ERGIC1: variants seen among roughly 807,000 people sequenced by gnomAD.
ERGIC1 encodes the protein endoplasmic reticulum-golgi intermediate compartment 1.
ERGIC1 carries 19 observed loss-of-function variants against 38.3 expected under a neutral mutation model. That is an observed-to-expected ratio of 0.50 (90% CI 0.35 to 0.73). The LOEUF (loss-of-function observed/expected upper bound fraction) is 0.73. Ranked by LOEUF, ERGIC1 falls within the 30% of genes least tolerant of loss-of-function variation. ERGIC1 has a pLI of 0.01. For missense variants in ERGIC1, 294 were observed against 389.2 expected (o/e 0.76, Z 2.06); for synonymous variants, 124 against 157.6 (o/e 0.79, Z 1.60).
intron 9 of ERGIC1, 152 bp from the exon 10 acceptor site, chr5:172,950,557 C>T (rs1418323773): frequency 1.4e-5 from 7 of 518,258 alleles, no homozygotes; most frequent in South Asian, 4.1e-5. Context: ...AAGTATGTTC[C>T]GGACTTGGTG....
At chr5:172,919,112 C>T (rs567116980) in intron 5 of ERGIC1, among the ~76,000 whole-genome samples, 1 of 152,188 alleles carries the variant, frequency 6.6e-6, no homozygotes, top group East Asian at 1.9e-4. Flanking sequence ...CCGTTGGTGG[C>T]CCATGTTCTA....
Position 172,944,512 on chromosome 5 carries a change from C to T in ERGIC1, c.766-6197C>T, listed in dbSNP as rs577149923. On this transcript the variant is annotated intron_variant, in intron 9 of 9. Transcript: ENST00000393784. The stretch of plus-strand genomic sequence containing the variant: ...TAGCTAGGATTACAGGCACCTGCCA[C>T]CACGCTCAGCTAATTTTTGTATTTT... Among the ~76,000 whole-genome samples, 6 of 152,246 alleles carry T rather than the reference C, an allele frequency of 3.9e-5. No individual in the cohort carries two copies. The South Asian group carries it at 6.2e-4, about 16-fold the overall frequency.
intron 1 of ERGIC1, among the ~76,000 whole-genome samples, chr5:172,847,194 C>T (rs1407301156): frequency 2.0e-5 from 3 of 152,074 alleles, no homozygotes; most frequent in Admixed American, 2.0e-4. Flanking sequence ...TGGATCCTCT[C>T]CTTGGCCTGG....
chr5:172,915,313 G>A (rs1053613069), intron 5 of ERGIC1: 5 of 510,518 alleles, frequency 9.8e-6, no homozygotes, highest in African/African-American at 9.6e-5. Context: ...TGTGTTCCAG[G>A]GTCGGTGATA....
intron 2 of ERGIC1, among the ~76,000 whole-genome samples, chr5:172,891,326 C>T (rs1475102768): frequency 2.0e-5 from 3 of 152,184 alleles, no homozygotes; most frequent in Non-Finnish European, 2.9e-5. Context: ...CCATTCCTAC[C>T]GTCCACCAGT....
chr5:172,834,427 TC>T lies in ERGIC1; in HGVS notation c.15del (p.Phe5LeufsTer44). On this transcript the variant is annotated frameshift_variant, in exon 1 of 10. Coordinates refer to ENST00000393784, the MANE Select transcript of ERGIC1 (RefSeq NM_001031711.3). LOFTEE classifies it high-confidence loss of function. This position sits in a 1 kb window ranked among gnomAD's most constrained non-coding sequence, Gnocchi z 4.1. Reference sequence around the variant, plus strand: ...GGCGGCGGCACGATGCCCTTTGACTTCAGGAGGTGAGTGTGGCGACCCCGGC... The same window carrying T: ...GGCGGCGGCACGATGCCCTTTGACTTAGGAGGTGAGTGTGGCGACCCCGGC... MPFD[F>X]RRFDIYRKVP... 7.5e-7 allele frequency: 1 copy of T among 1,338,174 alleles called. No homozygotes were observed. The highest frequency in any genetic ancestry group is 1.9e-5 in the South Asian group (1 of 52,374). The allele number at this position is 1,338,174 out of a possible 1,614,324, so 82.9% of individuals were successfully genotyped here.
chr5:172,892,681 CTTCAGTATCAGAAGGCCT>C, intron 2 of ERGIC1, among the ~76,000 whole-genome samples: 2 of 152,280 alleles, frequency 1.3e-5, no homozygotes, highest in East Asian at 3.9e-4. Flanking sequence ...TTCATCAAGC[CTTCAGTATCAGAAGGCCT>C]TTCTGGTTGA....
At chr5:172,854,491 C>T (rs1329813055) in intron 1 of ERGIC1, among the ~76,000 whole-genome samples, 2 of 152,262 alleles carry the variant, frequency 1.3e-5, no homozygotes, top group African/African-American at 4.8e-5. Context: ...TGGGTTTGCA[C>T]GTTCTACCCA....
At chr5:172,857,850 T>C (rs1050074240) in intron 1 of ERGIC1, among the ~76,000 whole-genome samples, 1 of 152,150 alleles carries the variant, frequency 6.6e-6, no homozygotes, top group Non-Finnish European at 1.5e-5. Context: ...CTTTTCACTT[T>C]TCATCTCCCC....
chr5:172,926,489 C>T lies in ERGIC1; in HGVS notation c.481-20C>T. On this transcript the variant is annotated intron_variant, in intron 6 of 9. Coordinates refer to ENST00000393784, the MANE Select transcript of ERGIC1 (RefSeq NM_001031711.3). The surrounding 1 kb of genome is among the most constrained non-coding windows in gnomAD (Gnocchi z 5.2). ...GTGGAGGTGTCCTGGGGACCATCCC[C>T]TCACTGCATTTTTCCACAGGTCCAG... is the stretch of plus-strand genomic sequence containing the variant. 6.2e-7 allele frequency: 1 copy of T among 1,613,808 alleles called. No individual in the cohort carries two copies. The highest frequency in any genetic ancestry group is 8.5e-7 in the Non-Finnish European group (1 of 1,179,996).
intron 1 of ERGIC1, among the ~76,000 whole-genome samples, chr5:172,869,590 A>G (rs1761953763): frequency 6.6e-6 from 1 of 152,208 alleles, no homozygotes. Flanking sequence ...TCTCCTTGCT[A>G]TTTAGAAAAG....
At chr5:172,911,903 A>G (rs987562921) in intron 4 of ERGIC1, among the ~76,000 whole-genome samples, 1 of 152,040 alleles carries the variant, frequency 6.6e-6, no homozygotes, top group Non-Finnish European at 1.5e-5. Context: ...CCAGCATGCC[A>G]TCTTCCCCAA....
intron 3 of ERGIC1, chr5:172,897,798 G>A (rs1350666737): frequency 7.3e-6 from 3 of 413,726 alleles, no homozygotes; most frequent in African/African-American, 6.2e-5. Context: ...TGACATCAGC[G>A]CCCGGCCCCC....
intron 5 of ERGIC1, chr5:172,916,079 G>A (rs2113415920): frequency 6.0e-6 from 1 of 166,120 alleles, no homozygotes; most frequent in African/African-American, 2.4e-5. Flanking sequence ...TTTAGAGAGG[G>A]TGTGTGCTGT....
In ERGIC1 at chr5:172,837,292, A is replaced by G. The variant is rs898445587; in HGVS notation, c.20+2859A>G. Reference sequence around the variant, plus strand: ...GAATGAGGAGAGTACTCACCGAAGTAGAACAGTTGAGGGATGAGGCAGTGC... The same window carrying G: ...GAATGAGGAGAGTACTCACCGAAGTGGAACAGTTGAGGGATGAGGCAGTGC... On this transcript the variant is annotated intron_variant, in intron 1 of 9. Transcript: ENST00000393784. This position sits in a 1 kb window ranked among gnomAD's most constrained non-coding sequence, Gnocchi z 4.3. 6.6e-6 allele frequency among the ~76,000 whole-genome samples: 1 copy of G among 152,246 alleles called. No homozygotes were observed. The highest frequency in any genetic ancestry group is 1.5e-5 in the Non-Finnish European group (1 of 68,052).
chr5:172,887,452 G>A (rs945564214), intron 1 of ERGIC1, among the ~76,000 whole-genome samples: 6 of 152,270 alleles, frequency 3.9e-5, no homozygotes, highest in Middle Eastern at 6.8e-3. Flanking sequence ...ACTCCTTTCC[G>A]TGGCCTCACA....
intron 1 of ERGIC1, among the ~76,000 whole-genome samples, chr5:172,880,528 T>C (rs1333525830): frequency 6.6e-6 from 1 of 152,080 alleles, no homozygotes; most frequent in Non-Finnish European, 1.5e-5. Context: ...GGTTTCACCA[T>C]GTTGCCAGGC....
intron 2 of ERGIC1, among the ~76,000 whole-genome samples, chr5:172,889,226 G>A (rs1006732367): frequency 6.6e-6 from 1 of 151,794 alleles, no homozygotes; most frequent in African/African-American, 2.4e-5. Context: ...GGAGGTTGCA[G>A]TGAGCCGAGA....
intron 1 of ERGIC1, among the ~76,000 whole-genome samples, chr5:172,863,946 A>T (rs1476525596): frequency 6.6e-6 from 1 of 152,248 alleles, no homozygotes; most frequent in Admixed American, 6.5e-5. Flanking sequence ...CTGTAATCCC[A>T]GCACTTTGGG....
Sources: gnomAD v4.1 joint callset for allele counts (sites outside exome capture counted in the v4.1 genomes callset) on GRCh38, gnomAD v4.1.1 for gene constraint, Gnocchi (gnomAD v3.1) non-coding constraint, MANE v1.5 for transcripts, NCBI Gene and HGNC (gene_info 2026-07-23, HGNC 2026-07-21) for gene names.